The following TP53BP1 variants were observed in gnomAD, a reference collection of about 807,000 sequenced individuals.
The protein encoded by TP53BP1 is tumor protein p53 binding protein 1.
A neutral mutation model predicts 200.8 loss-of-function variants in TP53BP1; 61 were observed. The observed-to-expected ratio is 0.30, with a 90% CI of 0.25 to 0.38. TP53BP1 has a LOEUF of 0.38. Ranked by LOEUF, TP53BP1 falls within the 10% of genes least tolerant of loss-of-function variation. The probability of loss-of-function intolerance (pLI) is 1.00; values close to 1 mark genes in which losing one functional copy is unlikely to be tolerated. For missense variants in TP53BP1, 2,144 were observed against 2,371.9 expected, an observed-to-expected ratio of 0.90 and a Z score of 2.00; for synonymous variants, 822 against 844.3, an observed-to-expected ratio of 0.97 and a Z score of 0.46.
chr15:43,453,572 T>C (rs2046223033), intron 12 of TP53BP1, among the ~76,000 whole-genome samples: 1 of 151,270 alleles, frequency 6.6e-6, no homozygotes, highest in African/African-American at 2.4e-5. Flanking sequence ...TAAAAGCTAA[T>C]AAATAGGGAC....
chr15:43,507,164 T>G (rs917836305), intron 1 of TP53BP1, among the ~76,000 whole-genome samples: 1 of 151,970 alleles, frequency 6.6e-6, no homozygotes, highest in Non-Finnish European at 1.5e-5. Context: ...AGATGGAGTC[T>G]CACTCTGTCA....
chr15:43,456,899 T>C lies in TP53BP1; in HGVS notation c.1709A>G (p.Asp570Gly), dbSNP rs2046311547. The stretch of plus-strand genomic sequence containing the variant: ...CTGTGCTGGATTCATCAGGATACTA[T>C]CATTTTCAGCAGGAACAAATTTAGA... ...LNSKFVPAENDSILMNPAQDG... is the reference protein window; with the variant it reads ...LNSKFVPAENGSILMNPAQDG... Residue 570 changes from aspartate (D) to glycine (G), a missense_variant, in exon 12 of 28, where the codon GAT (aspartate) becomes GGT (glycine). Asp to Gly is a moderately conservative substitution (Grantham distance 94). Around this residue, in one of 4 missense-constraint regions of TP53BP1, gnomAD observed 1,700 missense variants for 1,710.3 expected, o/e 0.99. Coordinates refer to ENST00000382044, the MANE Select transcript of TP53BP1 (RefSeq NM_001141980.3). 1.2e-6 allele frequency: 2 copies of C among 1,614,120 alleles called. No individual in the cohort carries two copies. The highest frequency in any genetic ancestry group is 2.2e-5 in the South Asian group (2 of 91,086).
Position 43,492,010 on chromosome 15 carries a change from T to C in TP53BP1, c.278A>G (p.Lys93Arg). ...SGFNEHLKEN[K>R]VADPVDSSNL... Reference sequence around the variant, plus strand: ...AGCTTTAAACACCTCACCTGCAACCTTGTTTTCTTTCAAATGTTCATTGAA... The same window carrying C: ...AGCTTTAAACACCTCACCTGCAACCCTGTTTTCTTTCAAATGTTCATTGAA... Residue 93 changes from lysine (K) to arginine (R), a missense_variant, in exon 3 of 28, where the codon AAG becomes AGG. This residue lies in a region of TP53BP1 where 1,700 missense variants were observed against 1,710.3 expected (regional missense o/e 0.99). Transcript: ENST00000382044. The C allele has an allele frequency of 6.2e-7, 1 of 1,613,388 alleles. No individual in the cohort carries two copies.
At chr15:43,445,995 C>A (rs2046033364) in intron 14 of TP53BP1, among the ~76,000 whole-genome samples, 1 of 152,162 alleles carries the variant, frequency 6.6e-6, no homozygotes, top group Non-Finnish European at 1.5e-5. Flanking sequence ...CTTTCAGCAT[C>A]TGGTCCCTAC....
In TP53BP1 at chr15:43,456,595, T is replaced by C; in HGVS notation, c.2013A>G (p.Glu671=). 1 of 1,614,142 alleles carries C rather than the reference T, an allele frequency of 6.2e-7. No homozygotes were observed. The highest frequency in any genetic ancestry group is 1.1e-5 in the South Asian group (1 of 91,070). ...EEGSSGSEVE[E]IPETPCESQG... The stretch of plus-strand genomic sequence containing the variant: ...GACTTTCACAAGGTGTCTCAGGGAT[T>C]TCTTCCACCTCAGACCCTGAAGACC... The change falls in exon 12 of 28, where the codon GAA becomes GAG. Residue 671 remains glutamate, a synonymous_variant. Transcript: ENST00000382044.
rs1275019873 is a variant in TP53BP1 at position 43,408,198 on chromosome 15, TCAGA to T, written c.5601-114_5601-111del. 3 of 1,107,238 alleles carry T rather than the reference TCAGA, an allele frequency of 2.7e-6. No individual in the cohort carries two copies. The African/African-American group carries it at 4.7e-5, about 17-fold the overall frequency. 68.6% of individuals were successfully genotyped at this position (1,107,238 alleles called of 1,614,324 possible). On this transcript the variant is annotated intron_variant, in intron 26 of 27. Coordinates refer to ENST00000382044, the MANE Select transcript of TP53BP1 (RefSeq NM_001141980.3). Reference sequence around the variant, plus strand: ...AATGCTTTCAAAAATAAATGCCCCATCAGACATAGTGTCTCAAGCCTGTAATCCC... The same window carrying T: ...AATGCTTTCAAAAATAAATGCCCCATCATAGTGTCTCAAGCCTGTAATCCC...
At chr15:43,423,396 G>A (rs1021922707) in intron 18 of TP53BP1, among the ~76,000 whole-genome samples, 3 of 151,850 alleles carry the variant, frequency 2.0e-5, no homozygotes, top group South Asian at 2.1e-4. Context: ...GGTGGCTCAC[G>A]CCTGTAATCC....
intron 4 of TP53BP1, among the ~76,000 whole-genome samples, chr15:43,484,852 G>T (rs1031247012): frequency 4.0e-5 from 6 of 151,768 alleles, no homozygotes; most frequent in African/African-American, 1.5e-4. Context: ...CCAGGCTCAA[G>T]CGATCCTCCC....
intron 4 of TP53BP1, among the ~76,000 whole-genome samples, chr15:43,487,523 T>G (rs535348058): frequency 6.6e-6 from 1 of 152,290 alleles, no homozygotes; most frequent in South Asian, 2.1e-4. Context: ...CCGGGCACAG[T>G]GACTCACACC....
Position 43,454,307 on chromosome 15 carries a change from G to C in TP53BP1, c.2716+1585C>G, listed in dbSNP as rs566765815. ...TTTTTTCATTTCATCCTAAAAACTT[G>C]TTTTCTTAAGTTTGTGTCTTGTTAT... On this transcript the variant is annotated intron_variant, in intron 12 of 27. Transcript: ENST00000382044. Among the ~76,000 whole-genome samples, 4 of 151,988 alleles carry C rather than the reference G, an allele frequency of 2.6e-5. No homozygotes were observed. The East Asian group carries it at 7.7e-4, about 29-fold the overall frequency.
At chr15:43,438,668 C>T (rs370338685) in intron 15 of TP53BP1, among the ~76,000 whole-genome samples, 8 of 115,510 alleles carry the variant, frequency 6.9e-5, no homozygotes, top group African/African-American at 2.5e-4. Flanking sequence ...CAGCAAAATC[C>T]AGAATGTAGA....
intron 10 of TP53BP1, among the ~76,000 whole-genome samples, chr15:43,473,626 G>A (rs552288081): frequency 6.6e-6 from 1 of 150,386 alleles, no homozygotes; most frequent in Non-Finnish European, 1.5e-5. Context: ...CGTCCCACCA[G>A]AGCAGCCAGA....
rs146348571 is a variant in TP53BP1 at position 43,446,568 on chromosome 15, G to A, written c.2859C>T (p.Ser953=). 17 of 1,613,906 alleles carry A rather than the reference G, an allele frequency of 1.1e-5. No individual in the cohort carries two copies. The African/African-American group carries it at 1.7e-4, about 16-fold the overall frequency. The change falls in exon 14 of 28, where the codon AGC becomes AGT. Residue 953 remains serine, a synonymous_variant. Transcript: ENST00000382044. Reference sequence around the variant, plus strand: ...ACATGACATCACTGGTTGCTATGGTGCTTTCTGGATAGTTGCTAATACCTG... The same window carrying A: ...ACATGACATCACTGGTTGCTATGGTACTTTCTGGATAGTTGCTAATACCTG... ...TPIGISNYPE[S]TIATSDVMSE... is the part of the protein sequence containing the mutation.
chr15:43,414,213 T>C (rs904864954), intron 23 of TP53BP1: 1 of 427,244 alleles, frequency 2.3e-6, no homozygotes, highest in Non-Finnish European at 4.8e-6. Context: ...AAAGTTTGAA[T>C]CCTGGCTTAC....
chr15:43,409,723 G>T lies in TP53BP1; in HGVS notation c.5324C>A (p.Pro1775His). The change falls in exon 25 of 28, where the codon CCT (proline) becomes CAT (histidine). Residue 1775 changes from proline to histidine, a missense_variant. By Grantham distance (77) the Pro-to-His change is moderately conservative. Around this residue, in one of 4 missense-constraint regions of TP53BP1, gnomAD observed 334 missense variants for 453.4 expected, o/e 0.74. Transcript: ENST00000382044. Reference protein sequence around the residue: ...EEEEEFLEIPPFNKQYTESQL... With the variant: ...EEEEEFLEIPHFNKQYTESQL... ...GGATTCTGTATACTGCTTGTTGAAA[G>T]GAGGAATTTCCAAAAATTCTATATT... 6 of 1,544,628 alleles carry T rather than the reference G, an allele frequency of 3.9e-6. No homozygotes were observed. The highest frequency in any genetic ancestry group is 5.2e-6 in the Non-Finnish European group (6 of 1,145,978).
intron 11 of TP53BP1, among the ~76,000 whole-genome samples, chr15:43,457,432 G>C (rs988018322): frequency 6.6e-6 from 1 of 152,068 alleles, no homozygotes; most frequent in African/African-American, 2.4e-5. Context: ...TTCTCACAAA[G>C]TGGGGATACG....
chr15:43,424,864 G>C (rs2045489570), intron 18 of TP53BP1, among the ~76,000 whole-genome samples: 1 of 152,214 alleles, frequency 6.6e-6, no homozygotes, highest in Non-Finnish European at 1.5e-5. Context: ...GTACCAAGAA[G>C]TAAGACCTTT....
At chr15:43,468,458 G>A (rs1237884844) in intron 11 of TP53BP1, among the ~76,000 whole-genome samples, 1 of 150,314 alleles carries the variant, frequency 6.7e-6, no homozygotes, top group Non-Finnish European at 1.5e-5. Context: ...GAGGTGGGAG[G>A]ATCACTTGAG....
At chr15:43,437,821 T>C (rs1170041956) in intron 16 of TP53BP1, among the ~76,000 whole-genome samples, 1 of 152,206 alleles carries the variant, frequency 6.6e-6, no homozygotes. Flanking sequence ...CATCTTAGTC[T>C]GTTTTCTGCT....
Sources: allele counts gnomAD v4.1 joint callset (sites outside exome capture counted in the v4.1 genomes callset), GRCh38; gene constraint gnomAD v4.1.1; regional missense constraint gnomAD v4.1.1; transcripts MANE v1.5; gene names NCBI Gene and HGNC (gene_info 2026-07-23, HGNC 2026-07-21).